The following PLCB4 variants were observed in gnomAD, a reference collection of about 807,000 sequenced individuals.
PLCB4 encodes 1-phosphatidylinositol 4,5-bisphosphate phosphodiesterase beta-4.
A neutral mutation model predicts 178.8 loss-of-function variants in PLCB4; 77 were observed. The observed-to-expected ratio is 0.43, with a 90% confidence interval of 0.36 to 0.52. The LOEUF is 0.52. PLCB4 is among the 20% of genes least tolerant of loss of function. PLCB4 has a pLI of 0.00. For missense variants in PLCB4, 1,024 were observed against 1,453.4 expected (o/e 0.70, Z 4.80); for synonymous variants, 496 against 490.8 (o/e 1.01, Z -0.14).
At chr20:9,435,210 C>G (rs1196022446) in intron 28 of PLCB4, among the ~76,000 whole-genome samples, 1 of 152,214 alleles carries the variant, frequency 6.6e-6, no homozygotes, top group Non-Finnish European at 1.5e-5. Context: ...GAAACTGAGG[C>G]TGGGGACATT....
intron 3 of PLCB4, among the ~76,000 whole-genome samples, chr20:9,304,890 CT>C (rs1444756178): frequency 3.4e-5 from 5 of 148,474 alleles, no homozygotes; most frequent in South Asian, 2.1e-4. Flanking sequence ...TTAGTTCTAT[CT>C]TTTTTTTAAT....
At chr20:9,423,149 G>A (rs1010405620) in intron 27 of PLCB4, among the ~76,000 whole-genome samples, 15 of 152,260 alleles carry the variant, frequency 9.9e-5, no homozygotes, top group African/African-American at 3.4e-4. Flanking sequence ...TCTAGCTACC[G>A]CATCTTACTC....
intron 32 of PLCB4, among the ~76,000 whole-genome samples, chr20:9,453,145 A>G (rs2042867262): frequency 6.6e-6 from 1 of 152,198 alleles, no homozygotes; most frequent in African/African-American, 2.4e-5. Flanking sequence ...GACTGAGGCT[A>G]GAGACTCCCA....
intron 39 of PLCB4, among the ~76,000 whole-genome samples, chr20:9,478,268 T>C (rs1391820629): frequency 6.6e-6 from 1 of 152,144 alleles, no homozygotes; most frequent in Non-Finnish European, 1.5e-5. Context: ...CACCATTGCT[T>C]ACTTCCTGGT....
At chr20:9,147,597 G>A (rs1036021927) in intron 2 of PLCB4, among the ~76,000 whole-genome samples, 7 of 151,988 alleles carry the variant, frequency 4.6e-5, no homozygotes, top group African/African-American at 1.4e-4. Context: ...ACCTAGGGTG[G>A]CATAGCTAAC....
At chr20:9,156,900 G>C (rs2092801912) in intron 2 of PLCB4, among the ~76,000 whole-genome samples, 1 of 126,544 alleles carries the variant, frequency 7.9e-6, no homozygotes, top group East Asian at 2.5e-4. Context: ...TTGGGCTTTA[G>C]TGGAGCTTAT....
chr20:9,184,836 GT>G (rs897052005), intron 2 of PLCB4, among the ~76,000 whole-genome samples: 1 of 152,152 alleles, frequency 6.6e-6, no homozygotes, highest in Non-Finnish European at 1.5e-5. Context: ...AAATACTCTA[GT>G]TTTTTTGTTG....
chr20:9,362,315 A>G (rs1024044252), intron 7 of PLCB4, among the ~76,000 whole-genome samples: 12 of 152,180 alleles, frequency 7.9e-5, no homozygotes, highest in African/African-American at 2.9e-4. Flanking sequence ...GAGTGATGGT[A>G]TGAACTACAA....
At chr20:9,173,713 A>T (rs2093104431) in intron 2 of PLCB4, among the ~76,000 whole-genome samples, 1 of 152,010 alleles carries the variant, frequency 6.6e-6, no homozygotes, top group Non-Finnish European at 1.5e-5. Context: ...TTTTTAAAGG[A>T]TTTTTGTGAT....
intron 3 of PLCB4, among the ~76,000 whole-genome samples, chr20:9,302,591 C>T (rs1601714353): frequency 6.6e-6 from 1 of 152,082 alleles, no homozygotes; most frequent in East Asian, 1.9e-4. Context: ...GTTCTGAACC[C>T]CAATGCTATG....
At chr20:9,135,820 CTGAAGAA>C (rs2092370827) in intron 2 of PLCB4, among the ~76,000 whole-genome samples, 1 of 152,084 alleles carries the variant, frequency 6.6e-6, no homozygotes, top group Non-Finnish European at 1.5e-5. Context: ...AGAAAATCCT[CTGAAGAA>C]TGGAGTTGTG....
Position 9,089,147 on chromosome 20 carries a change from T to C in PLCB4, c.-134-7140T>C, listed in dbSNP as rs188951680. On this transcript the variant is annotated intron_variant, in intron 1 of 39. Transcript: ENST00000378473. ...AGTTAGCTTATTTCAAAGTACAAAA[T>C]AGCCTTAAAAGATTTAATGTGATTT... Among the ~76,000 whole-genome samples, 53 of 152,022 alleles carry C rather than the reference T, an allele frequency of 3.5e-4. No homozygotes were observed. In the East Asian group the frequency reaches 9.3e-3, roughly 27 times the overall value.
chr20:9,311,628 A>G (rs1041911065), intron 4 of PLCB4, among the ~76,000 whole-genome samples: 1 of 152,052 alleles, frequency 6.6e-6, no homozygotes, highest in African/African-American at 2.4e-5. Flanking sequence ...CTGTCTCTCA[A>G]TCTAAAGAAG....
intron 3 of PLCB4, among the ~76,000 whole-genome samples, chr20:9,223,822 A>C (rs969687772): frequency 2.0e-5 from 3 of 152,190 alleles, no homozygotes; most frequent in African/African-American, 7.2e-5. Flanking sequence ...TGTGTTAAGT[A>C]CTGAATTTTA....
At chr20:9,394,689 T>G (rs559127850) in intron 18 of PLCB4, among the ~76,000 whole-genome samples, 2 of 152,330 alleles carry the variant, frequency 1.3e-5, no homozygotes, top group East Asian at 3.9e-4. Flanking sequence ...TGTATGTTTG[T>G]GCAACCCTCT....
At chr20:9,227,606 AC>A (rs1184416800) in intron 3 of PLCB4, among the ~76,000 whole-genome samples, 1 of 151,994 alleles carries the variant, frequency 6.6e-6, no homozygotes, top group Non-Finnish European at 1.5e-5. Flanking sequence ...TCATCTTGGC[AC>A]CCTTGTCAGG....
chr20:9,370,274 A>G (rs569193136), intron 9 of PLCB4, among the ~76,000 whole-genome samples: 15 of 152,172 alleles, frequency 9.9e-5, no homozygotes, highest in Non-Finnish European at 1.0e-4. Context: ...GAAACATTGG[A>G]TAATTGTTCC....
At chr20:9,319,597 G>A (rs1165570132) in intron 4 of PLCB4, among the ~76,000 whole-genome samples, 2 of 152,172 alleles carry the variant, frequency 1.3e-5, no homozygotes, top group African/African-American at 4.8e-5. Context: ...CCAATGGTGT[G>A]TAAGTGTCAG....
chr20:9,155,229 A>T (rs1434102618), intron 2 of PLCB4, among the ~76,000 whole-genome samples: 1 of 151,204 alleles, frequency 6.6e-6, no homozygotes, highest in Non-Finnish European at 1.5e-5. Flanking sequence ...GTGTTACTTG[A>T]TTTAGAATAA....
Sources: gnomAD v4.1 joint callset for allele counts (sites outside exome capture counted in the v4.1 genomes callset) on GRCh38, gnomAD v4.1.1 for gene constraint, MANE v1.5 for transcripts, NCBI Gene and HGNC (gene_info 2026-07-23, HGNC 2026-07-21) for gene names.